Variants in ABCF1 observed in about 807,000 individuals in gnomAD.
ABCF1 encodes ATP binding cassette subfamily F member 1.
ABCF1 carries 73 observed loss-of-function variants against 126.3 expected under a neutral mutation model. That is an observed-to-expected ratio of 0.58 (90% confidence interval 0.48 to 0.70). ABCF1 has a LOEUF of 0.70. Among genes scored for constraint, ABCF1 ranks in the 30% least tolerant of loss-of-function variants. ABCF1 has a pLI of 0.00. For synonymous variants in ABCF1, 345 were observed against 396.4 expected, an observed-to-expected ratio of 0.87 and a Z score of 1.54; for missense variants, 786 against 1,057.5, an observed-to-expected ratio of 0.74 and a Z score of 3.56.
Position 30,591,251 on chromosome 6 carries a change from T to C in ABCF1, c.*550T>C, listed in dbSNP as rs1257147371. 6.5e-6 allele frequency: 1 copy of C among 152,960 alleles called. No homozygotes were observed. Among genetic ancestry groups the C allele is most frequent in the East Asian group, 1.9e-4 (1 of 5,212 alleles). The allele number at this position is 152,960 out of a possible 1,614,324, so 9.5% of individuals were successfully genotyped here. On this transcript the variant is annotated 3_prime_UTR_variant, in exon 25 of 25. Coordinates refer to ENST00000326195, the MANE Select transcript of ABCF1 (RefSeq NM_001025091.2). ...TTGAGGACTTGGGGCAGGAAAGGAA[T>C]GCTGCTGAACTTGAATTTCCCTTTA... is the stretch of plus-strand genomic sequence containing the variant.
Position 30,571,450 on chromosome 6 carries a change from C to T in ABCF1, c.-38C>T. The T allele has an allele frequency of 1.3e-6, 2 of 1,586,638 alleles. No homozygotes were observed. Among genetic ancestry groups the T allele is most frequent in the East Asian group, 2.3e-5 (1 of 43,922 alleles). On this transcript the variant is annotated 5_prime_UTR_variant, in exon 1 of 25. Coordinates refer to ENST00000326195, the MANE Select transcript of ABCF1 (RefSeq NM_001025091.2). ...TCCCCGCCGCCGGAAGCGGAAATAG[C>T]ACCGGGCGCCGCCACAGTAGCTGTA...
intron 1 of ABCF1, 138 bp from the exon 2 acceptor site, chr6:30,577,271 A>G: frequency 1.4e-6 from 1 of 731,904 alleles, no homozygotes; most frequent in African/African-American, 1.8e-5. Context: ...GTTGTGAGAC[A>G]GTACAAATAT....
In ABCF1 at chr6:30,579,960, C is replaced by G; in HGVS notation, c.519C>G (p.Leu173=). Residue 173 remains leucine (L), a synonymous_variant, in exon 7 of 25, where the codon CTC becomes CTG. Transcript: ENST00000326195. ...KAVSEEQQPA[L]KGKKGKEEKS... ...TATCTGAGGAACAGCAGCCTGCACT[C>G]AAGGGCAAAAAGGGAAAGGAAGAGA... The G allele has an allele frequency of 6.2e-7, 1 of 1,612,420 alleles. No individual in the cohort carries two copies. Among genetic ancestry groups the G allele is most frequent in the Non-Finnish European group, 8.5e-7 (1 of 1,179,790 alleles).
Position 30,578,199 on chromosome 6 carries a change from G to A in ABCF1, c.340G>A (p.Glu114Lys). ...AGTGCCAACCAGTGATGAGGAGGAT[G>A]AAGGTAAATGACCTGAGGGGGAATG... Reference protein sequence around the residue: ...LSVPTSDEEDEVPAPKPRGGK... With the variant: ...LSVPTSDEEDKVPAPKPRGGK... Residue 114 changes from glutamate to lysine, a missense_variant, in exon 4 of 25, where the codon GAA (glutamate) becomes AAA (lysine). Physicochemically the swap from Glu to Lys is moderately conservative, Grantham distance 56 (BLOSUM62 1). This residue lies in a region of ABCF1 where 322 missense variants were observed against 322.9 expected (regional missense o/e 1.00). Transcript: ENST00000326195. 1 of 1,613,964 alleles carries A rather than the reference G, an allele frequency of 6.2e-7. No homozygotes were observed.
intron 8 of ABCF1, 93 bp downstream of exon 8, chr6:30,580,612 C>T: frequency 1.4e-6 from 1 of 735,156 alleles, no homozygotes; most frequent in Non-Finnish European, 2.0e-6. Context: ...TAGTTATTAT[C>T]CCAGCAAACC....
rs767297263 is a variant in ABCF1 at position 30,571,563 on chromosome 6, G to A, written c.73+3G>A. 1.9e-6 allele frequency: 3 copies of A among 1,609,120 alleles called. No homozygotes were observed. Among genetic ancestry groups the A allele is most frequent in the South Asian group, 1.1e-5 (1 of 90,572 alleles). ...CGGAGAGAGCACGAGCCCATCAGGT[G>A]AGGCTGGTAGGCAAGGAAGAAACGA... On this transcript the variant is annotated splice_donor_region_variant and intron_variant, in intron 1 of 24. Transcript: ENST00000326195.
Position 30,585,573 on chromosome 6 carries a change from G to A in ABCF1, c.1491G>A (p.Trp497Ter). ...TGAAACCCAGCTACCTCCAGGGCTG[G>A]CGGAAGACCTTGCTGATCGTCTCCC... ...VIWLNNYLQG[W>*]RKTLLIVSHD... Residue 497 changes from tryptophan to a stop codon, truncating the protein, a stop_gained, in exon 16 of 25, where the codon TGG becomes TGA. Transcript: ENST00000326195. LOFTEE classifies it high-confidence loss of function. 6.2e-7 allele frequency: 1 copy of A among 1,612,936 alleles called. No individual in the cohort carries two copies. The highest frequency in any genetic ancestry group is 8.5e-7 in the Non-Finnish European group (1 of 1,180,024).
At chr6:30,588,375 T>C (rs1215268614) in intron 20 of ABCF1, among the ~76,000 whole-genome samples, 7 of 152,044 alleles carry the variant, frequency 4.6e-5, no homozygotes, top group African/African-American at 1.7e-4. Context: ...CTACCTTTTT[T>C]TTTTGAGACA....
chr6:30,586,049 A>C lies in ABCF1; in HGVS notation c.1713+58A>C. On this transcript the variant is annotated intron_variant, in intron 17 of 24. Coordinates refer to ENST00000326195, the MANE Select transcript of ABCF1 (RefSeq NM_001025091.2). This position sits in a 1 kb window ranked among gnomAD's most constrained non-coding sequence, Gnocchi z 4.9. ...CACTGTTCTCTCCTGGCAGTGGAGG[A>C]AGAAGGAGACTCTGGAACGCTGGCC... The C allele has an allele frequency of 6.3e-7, 1 of 1,591,106 alleles. No homozygotes were observed. Among genetic ancestry groups the C allele is most frequent in the Non-Finnish European group, 8.6e-7 (1 of 1,169,060 alleles).
chr6:30,584,468 A>G lies in ABCF1; in HGVS notation c.1293A>G (p.Ala431=). The G allele has an allele frequency of 3.1e-6, 5 of 1,613,082 alleles. No homozygotes were observed. Among genetic ancestry groups the G allele is most frequent in the Non-Finnish European group, 4.2e-6 (5 of 1,180,026 alleles). Residue 431 remains alanine, a synonymous_variant, in exon 14 of 25, where the codon GCA becomes GCG. Coordinates refer to ENST00000326195, the MANE Select transcript of ABCF1 (RefSeq NM_001025091.2). This position sits in a 1 kb window ranked among gnomAD's most constrained non-coding sequence, Gnocchi z 4.6. Reference sequence around the variant, plus strand: ...GGGCGGCAGCTGCAGAGGCCAAAGCACGGCGGATCCTGGCTGGCCTGGGCT... The same window carrying G: ...GGGCGGCAGCTGCAGAGGCCAAAGCGCGGCGGATCCTGGCTGGCCTGGGCT... The part of the protein sequence containing the change: ...ATGAAAAEAK[A]RRILAGLGFD...
intron 8 of ABCF1, 88 bp downstream of exon 8, chr6:30,580,607 A>G: frequency 1.3e-6 from 1 of 765,226 alleles, no homozygotes; most frequent in Non-Finnish European, 2.0e-6. Flanking sequence ...GGATATAGTT[A>G]TTATCCCAGC....
chr6:30,584,113 C>G lies in ABCF1; in HGVS notation c.1103-79C>G, dbSNP rs755695743. 13 of 1,550,934 alleles carry G rather than the reference C, an allele frequency of 8.4e-6. No homozygotes were observed. The highest frequency in any genetic ancestry group is 2.4e-5 in the South Asian group (2 of 81,896). On this transcript the variant is annotated intron_variant, in intron 12 of 24. Transcript: ENST00000326195. This position sits in a 1 kb window ranked among gnomAD's most constrained non-coding sequence, Gnocchi z 4.6. The stretch of plus-strand genomic sequence containing the variant: ...AAGAGCTGGGCAGGGTCAGGCAAAA[C>G]AGAAATGTAATTGAAGGGAAAGAAA...
rs1318738196 is a variant in ABCF1 at position 30,578,593 on chromosome 6, C to G, written c.489+16C>G. 6.2e-7 allele frequency: 1 copy of G among 1,604,948 alleles called. No homozygotes were observed. The highest frequency in any genetic ancestry group is 8.5e-7 in the Non-Finnish European group (1 of 1,173,042). ...GATCAATAAGGTGACAGTGGTGGCT[C>G]GATCAGTCACTCTCACTCCATTTAG... On this transcript the variant is annotated intron_variant, in intron 6 of 24. Transcript: ENST00000326195.
chr6:30,572,484 G>A (rs1223069746), intron 1 of ABCF1, among the ~76,000 whole-genome samples: 1 of 152,142 alleles, frequency 6.6e-6, no homozygotes. Flanking sequence ...TGTCAGCAAA[G>A]CCTCCCAAGA....
In ABCF1 at chr6:30,584,653, A is replaced by T; in HGVS notation, c.1391+87A>T. ...TTCCCTTCTCATTCTTCCAAGGCCAATAGGGAGGCTCAAGGCTTACCTCTC... is the reference window on the plus strand; with the variant it reads ...TTCCCTTCTCATTCTTCCAAGGCCATTAGGGAGGCTCAAGGCTTACCTCTC... On this transcript the variant is annotated intron_variant, in intron 14 of 24. Coordinates refer to ENST00000326195, the MANE Select transcript of ABCF1 (RefSeq NM_001025091.2). The surrounding 1 kb of genome is among the most constrained non-coding windows in gnomAD (Gnocchi z 4.6). The T allele has an allele frequency of 6.7e-7, 1 of 1,485,138 alleles. No homozygotes were observed. The allele number at this position is 1,485,138 out of a possible 1,614,324, so 92.0% of individuals were successfully genotyped here. A position where few individuals can be genotyped will look rare whatever the true frequency, so the allele number is the denominator to read the frequency against.
At chr6:30,582,868 T>G (rs1801897808) in intron 9 of ABCF1, among the ~76,000 whole-genome samples, 198 bp from the exon 10 acceptor site, 1 of 152,180 alleles carries the variant, frequency 6.6e-6, no homozygotes, top group Non-Finnish European at 1.5e-5. Context: ...AATTTTTGTA[T>G]TTTTTGTAGA....
rs1311683013 is a variant in ABCF1, at chr6:30,578,057, G to A, written c.217-19G>A. On this transcript the variant is annotated intron_variant, in intron 3 of 24. Coordinates refer to ENST00000326195, the MANE Select transcript of ABCF1 (RefSeq NM_001025091.2). ...GGGGCCTGGGCTTCATTTTCTCACT[G>A]TTCTTTTGCTCTCAGCAGCAAAAAA... 1 of 1,613,790 alleles carries A rather than the reference G, an allele frequency of 6.2e-7. No individual in the cohort carries two copies. The highest frequency in any genetic ancestry group is 1.1e-5 in the South Asian group (1 of 91,072).
intron 1 of ABCF1, among the ~76,000 whole-genome samples, chr6:30,575,980 G>A (rs1801475562): frequency 6.6e-6 from 1 of 151,570 alleles, no homozygotes; most frequent in South Asian, 2.1e-4. Context: ...AGGCTAAAGT[G>A]GGAGGATCAC....
chr6:30,576,276 C>CTTTTTTTTTTTTTTT lies in ABCF1; in HGVS notation c.74-1118_74-1104dup, dbSNP rs9256927. ...AACACAGGAGTCATCTCTGAGTGCT[C>CTTTTTTTTTTTTTTT]TTTTTTTTTTTTTTTTTTTTTTTTT... On this transcript the variant is annotated intron_variant, in intron 1 of 24. Coordinates refer to ENST00000326195, the MANE Select transcript of ABCF1 (RefSeq NM_001025091.2). Among the ~76,000 whole-genome samples the CTTTTTTTTTTTTTTT allele has an allele frequency of 6.8e-5, 3 of 44,160 alleles. 1 individual carries two copies. Among genetic ancestry groups the CTTTTTTTTTTTTTTT allele is most frequent in the Non-Finnish European group, 1.2e-4 (3 of 25,670 alleles). 29.0% of individuals were successfully genotyped at this position (44,160 alleles called of 152,430 possible).
Sources: gnomAD v4.1 joint callset for allele counts (sites outside exome capture counted in the v4.1 genomes callset) on GRCh38, gnomAD v4.1.1 for gene constraint, gnomAD v4.1.1 regional missense constraint, Gnocchi (gnomAD v3.1) non-coding constraint, MANE v1.5 for transcripts, NCBI Gene and HGNC (gene_info 2026-07-23, HGNC 2026-07-21) for gene names.